The following PER2 variants were observed in gnomAD, a reference collection of about 807,000 sequenced individuals.
The protein encoded by PER2 is period circadian protein homolog 2.
In PER2, 66 loss-of-function variants were observed where a neutral mutation model predicts 121.0. The observed-to-expected ratio is 0.55, with a 90% CI of 0.45 to 0.67. The LOEUF (loss-of-function observed/expected upper bound fraction) is 0.67, where lower values mean the gene tolerates loss of function less well. PER2 is among the 30% of genes least tolerant of loss of function. PER2 has a pLI of 0.00. For missense variants in PER2, 1,521 were observed against 1,635.0 expected, an observed-to-expected ratio of 0.93 and a Z score of 1.20; for synonymous variants, 684 against 659.9, an observed-to-expected ratio of 1.04 and a Z score of -0.56.
At chr2:238,251,873 G>A in intron 19 of PER2, 112 bp from the exon 20 acceptor site, 1 of 887,472 alleles carries the variant, frequency 1.1e-6, no homozygotes, top group East Asian at 2.5e-5. Context: ...GGGTGCTGTG[G>A]AGCGGCTGCA....
upstream of PER2, among the ~76,000 whole-genome samples, chr2:238,294,470 T>A (rs1197177605): frequency 6.6e-6 from 1 of 152,172 alleles, no homozygotes; most frequent in Admixed American, 6.5e-5. Context: ...CATTCATACT[T>A]GAGTATGGCT....
chr2:238,262,815 G>A (rs558042809), intron 10 of PER2, 137 bp downstream of exon 10: 232 of 698,150 alleles, frequency 3.3e-4, no homozygotes, highest in South Asian at 7.6e-4. Context: ...GGAGGGAGGC[G>A]GCGAGGCGGG....
intron 6 of PER2, among the ~76,000 whole-genome samples, chr2:238,270,533 G>C (rs1178610102): frequency 6.6e-6 from 1 of 152,158 alleles, no homozygotes; most frequent in East Asian, 1.9e-4. Flanking sequence ...AAAATCAGCA[G>C]CTTGGAAAGG....
intron 8 of PER2, 102 bp from the exon 9 acceptor site, chr2:238,265,692 G>C: frequency 2.6e-6 from 2 of 769,362 alleles, no homozygotes; most frequent in Non-Finnish European, 4.7e-6. Flanking sequence ...AGAGTAATGA[G>C]CAGCTAAAGA....
Position 238,273,140 on chromosome 2 carries a change from C to T in PER2, c.500G>A (p.Gly167Glu). The T allele has an allele frequency of 6.2e-7, 1 of 1,613,828 alleles. No individual in the cohort carries two copies. The highest frequency in any genetic ancestry group is 8.5e-7 in the Non-Finnish European group (1 of 1,179,726). ...LLMSSEGHPC[G>E]ADVPSYTVEE... ...CACGGTGTAGGAGGGCACGTCTGCT[C>T]CACAGGGGTGACCCTCGCTGGACAT... The change falls in exon 5 of 23, where the codon GGA becomes GAA. Residue 167 changes from glycine to glutamate, a missense_variant. Coordinates refer to ENST00000254657, the MANE Select transcript of PER2 (RefSeq NM_022817.3).
Position 238,253,873 on chromosome 2 carries a change from T to C in PER2, c.2321-171A>G, listed in dbSNP as rs1695685991. The stretch of plus-strand genomic sequence containing the variant: ...AGAAAAATCAGGGCAAAACATCAGG[T>C]TTTTCCATAAAACTAAATTGAATCA... On this transcript the variant is annotated intron_variant, in intron 18 of 22. Coordinates refer to ENST00000254657, the MANE Select transcript of PER2 (RefSeq NM_022817.3). This position sits in a 1 kb window ranked among gnomAD's most constrained non-coding sequence, Gnocchi z 5.6. Among the ~76,000 whole-genome samples, 1 of 152,176 alleles carries C rather than the reference T, an allele frequency of 6.6e-6. No homozygotes were observed. The highest frequency in any genetic ancestry group is 6.5e-5 in the Admixed American group (1 of 15,284).
At chr2:238,247,240 T>G (rs188263448) in intron 22 of PER2, 18 of 152,478 alleles carry the variant, frequency 1.2e-4, no homozygotes, top group Admixed American at 7.8e-4. Flanking sequence ...AAAAGGCACC[T>G]TGGCTTCCTC....
At chr2:238,247,675 C>T (rs543353596) in intron 22 of PER2, among the ~76,000 whole-genome samples, 3 of 152,254 alleles carry the variant, frequency 2.0e-5, no homozygotes, top group Non-Finnish European at 4.4e-5. Context: ...AAGGGCTGGG[C>T]ATGTGCGAAG....
At chr2:238,295,028 C>A (rs904767975), upstream of PER2, among the ~76,000 whole-genome samples, 1 of 152,228 alleles carries the variant, frequency 6.6e-6, no homozygotes, top group African/African-American at 2.4e-5. Flanking sequence ...AGGGTGAAGG[C>A]TCAGGCCTGT....
At chr2:238,262,887 G>T in intron 10 of PER2, 65 bp downstream of exon 10, 1 of 1,113,722 alleles carries the variant, frequency 9.0e-7, no homozygotes, top group Non-Finnish European at 1.4e-6. Context: ...GTCCCAAGAA[G>T]CAGCCCCAAG....
chr2:238,263,206 G>A (rs1205968047), intron 9 of PER2, 148 bp from the exon 10 acceptor site: 1 of 661,314 alleles, frequency 1.5e-6, no homozygotes, highest in Non-Finnish European at 2.7e-6. Context: ...TGGACTAACA[G>A]AACCAGCTAG....
At chr2:238,273,456 G>T (rs1037823812) in intron 4 of PER2, among the ~76,000 whole-genome samples, 1 of 151,472 alleles carries the variant, frequency 6.6e-6, no homozygotes, top group Non-Finnish European at 1.5e-5. Context: ...AAGGTAATAC[G>T]GTCGCAGAGT....
chr2:238,279,194 C>T (rs1696553058), intron 1 of PER2, among the ~76,000 whole-genome samples: 1 of 152,176 alleles, frequency 6.6e-6, no homozygotes, highest in Admixed American at 6.5e-5. Flanking sequence ...CAGGCACCCA[C>T]TCAAGCGGGG....
chr2:238,276,000 G>A (rs1696443730), intron 3 of PER2, 103 bp from the exon 4 acceptor site: 2 of 1,054,680 alleles, frequency 1.9e-6, no homozygotes, highest in Admixed American at 3.5e-5. Flanking sequence ...CTCTAGAGAT[G>A]TTCTGGTCTG....
chr2:238,255,433 G>C, intron 18 of PER2: 1 of 616,780 alleles, frequency 1.6e-6, no homozygotes. Context: ...TCGGGCACTA[G>C]CCTGGGACTA....
intron 17 of PER2, among the ~76,000 whole-genome samples, 186 bp downstream of exon 17, chr2:238,256,736 A>T (rs530593075): frequency 6.6e-6 from 1 of 152,388 alleles, no homozygotes; most frequent in East Asian, 1.9e-4. Flanking sequence ...AGACCTGGAC[A>T]GGTTGCTGCC....
At chr2:238,272,965 C>T in intron 5 of PER2, 105 bp downstream of exon 5, 1 of 1,040,678 alleles carries the variant, frequency 9.6e-7, no homozygotes, top group Non-Finnish European at 1.5e-6. Flanking sequence ...CTGCTGAAAC[C>T]CCAAACACTC....
chr2:238,262,148 C>T (rs779586742), intron 11 of PER2, 43 bp downstream of exon 11: 57 of 1,595,936 alleles, frequency 3.6e-5, no homozygotes, highest in Non-Finnish European at 4.3e-5. Flanking sequence ...CCGAGACCCC[C>T]GCCCAAGACC....
chr2:238,294,521 A>T (rs4663301), upstream of PER2, among the ~76,000 whole-genome samples: 15,672 of 152,222 alleles, frequency 0.1, 882 homozygotes, highest in Middle Eastern at 0.15. Flanking sequence ...GTGATGGAGC[A>T]CGTGCTTGCT....
Sources: allele counts gnomAD v4.1 joint callset (sites outside exome capture counted in the v4.1 genomes callset), GRCh38; gene constraint gnomAD v4.1.1; non-coding constraint Gnocchi (gnomAD v3.1); transcripts MANE v1.5; gene names NCBI Gene and HGNC (gene_info 2026-07-23, HGNC 2026-07-21).